BMP8A: variants seen among roughly 807,000 people sequenced by gnomAD.
The protein encoded by BMP8A is bone morphogenetic protein 8a.
A neutral mutation model predicts 36.8 loss-of-function variants in BMP8A; 14 were observed. The ratio of observed to expected loss-of-function variants is 0.38; its 90% CI spans 0.25 to 0.60. The LOEUF (loss-of-function observed/expected upper bound fraction) is 0.60. Among genes scored for constraint, BMP8A ranks in the 20% least tolerant of loss-of-function variants. BMP8A has a pLI of 0.63. For synonymous variants in BMP8A, 120 were observed against 237.7 expected (o/e 0.50, Z 4.55); for missense variants, 267 against 551.1 (o/e 0.48, Z 5.16).
Position 39,491,791 on chromosome 1 carries a change from C to T in BMP8A, c.-201C>T. The T allele has an allele frequency of 3.7e-6, 1 of 268,980 alleles. No homozygotes were observed. The highest frequency in any genetic ancestry group is 2.3e-5 in the African/African-American group (1 of 43,656). The allele number at this position is 268,980 out of a possible 1,614,324, so 16.7% of individuals were successfully genotyped here. ...GCCTCGAAGCGTTGGCGTCTGCGTC[C>T]GCGTCAGCGTCCGCTTGTCCCGGAG... On this transcript the variant is annotated 5_prime_UTR_variant, in exon 1 of 7. Coordinates refer to ENST00000331593, the MANE Select transcript of BMP8A (RefSeq NM_181809.4).
In BMP8A at chr1:39,523,192, G is replaced by A. The variant is rs376896121; in HGVS notation, c.1059+75G>A. 172 of 1,536,154 alleles carry A rather than the reference G, an allele frequency of 1.1e-4. 5 individuals are homozygous for A. The South Asian group carries it at 1.6e-3, about 14-fold the overall frequency. The stretch of plus-strand genomic sequence containing the variant: ...AGAGAGGGGTCTGGTCCAGCCAGCC[G>A]GGAGGGCAGTGAGGCCACCTGCTCC... On this transcript the variant is annotated intron_variant, in intron 6 of 6. Coordinates refer to ENST00000331593, the MANE Select transcript of BMP8A (RefSeq NM_181809.4).
intron 1 of BMP8A, among the ~76,000 whole-genome samples, chr1:39,499,391 TG>T (rs1645234294): frequency 6.6e-6 from 1 of 152,180 alleles, no homozygotes. Context: ...TGAGGGGAGA[TG>T]GGACAGGTCA....
rs1557698361 is a variant in BMP8A at position 39,528,277 on chromosome 1, A to G, written c.*2479A>G. ...ACCCACCAAATGACATCACATACAG[A>G]AGGCCTCAGAAAGGGAGGAGGTCGT... On this transcript the variant is annotated 3_prime_UTR_variant, in exon 7 of 7. Transcript: ENST00000331593. Among the ~76,000 whole-genome samples, 1 of 152,182 alleles carries G rather than the reference A, an allele frequency of 6.6e-6. No individual in the cohort carries two copies. The highest frequency in any genetic ancestry group is 1.9e-4 in the East Asian group (1 of 5,194).
rs915087355 is a variant in BMP8A at position 39,515,637 on chromosome 1, C to T, written c.673+3733C>T. ...AAACGTGGTCTTCAGGAGAAGCGCC[C>T]GCAATTTCAACGTGCCCATGTGCAA... On this transcript the variant is annotated intron_variant, in intron 3 of 6. Coordinates refer to ENST00000331593, the MANE Select transcript of BMP8A (RefSeq NM_181809.4). 81 of 1,569,360 alleles carry T rather than the reference C, an allele frequency of 5.2e-5. 9 individuals carry two copies. The highest frequency in any genetic ancestry group is 7.1e-5 in the Non-Finnish European group (81 of 1,147,264).
At chr1:39,500,674 A>G (rs1232631017) in intron 1 of BMP8A, among the ~76,000 whole-genome samples, 4 of 151,440 alleles carry the variant, frequency 2.6e-5, no homozygotes, top group Admixed American at 2.0e-4. Flanking sequence ...TATTTTTGAG[A>G]CGGAGTCTTG....
At chr1:39,512,886 C>CA (rs1217551135) in intron 3 of BMP8A, among the ~76,000 whole-genome samples, 35 of 144,746 alleles carry the variant, frequency 2.4e-4, no homozygotes, top group Non-Finnish European at 5.0e-4. Flanking sequence ...CCAAGCTCAT[C>CA]AAAAAAAAGG....
intron 1 of BMP8A, among the ~76,000 whole-genome samples, chr1:39,506,039 G>C (rs971758602): frequency 6.6e-6 from 1 of 150,862 alleles, no homozygotes; most frequent in African/African-American, 2.4e-5. Context: ...AAAGACTGAG[G>C]AACAGTCAGA....
At chr1:39,493,666 C>T (rs1208621876) in intron 1 of BMP8A, among the ~76,000 whole-genome samples, 1 of 152,218 alleles carries the variant, frequency 6.6e-6, no homozygotes, top group South Asian at 2.1e-4. Flanking sequence ...CATTCACCAT[C>T]GCTGAGCGCC....
At position 39,505,985 on chromosome 1, in the gene BMP8A, C is replaced by CAAAAAAAAAA. The variant is rs369981354; in HGVS notation, c.335-5189_335-5188insAAAAAAAAAA. 4.8e-4 allele frequency among the ~76,000 whole-genome samples: 45 copies of CAAAAAAAAAA among 93,906 alleles called. 22 individuals are homozygous for CAAAAAAAAAA. Among genetic ancestry groups the CAAAAAAAAAA allele is most frequent in the Non-Finnish European group, 3.8e-4 (19 of 49,776 alleles). The allele number at this position is 93,906 out of a possible 152,430, so 61.6% of individuals were successfully genotyped here. On this transcript the variant is annotated intron_variant, in intron 1 of 6. Coordinates refer to ENST00000331593, the MANE Select transcript of BMP8A (RefSeq NM_181809.4). ...TGGGTGACAGAGCAAGACCCTGTCT[C>CAAAAAAAAAA]CAAAAAAAAAAAAAAAAAAAAGTGT...
rs1645352660 is a variant in BMP8A at position 39,511,312 on chromosome 1, A to G, written c.473A>G (p.Asn158Ser). 2 of 1,141,816 alleles carry G rather than the reference A, an allele frequency of 1.8e-6. No individual in the cohort carries two copies. Among genetic ancestry groups the G allele is most frequent in the Non-Finnish European group, 2.5e-6 (2 of 800,702 alleles). The allele number at this position is 1,141,816 out of a possible 1,614,324, so 70.7% of individuals were successfully genotyped here. A position where few individuals can be genotyped will look rare whatever the true frequency, so the allele number is the denominator to read the frequency against. Reference sequence around the variant, plus strand: ...AAGGTGCCCAGCATCCACCTGCTCAACAGGACCCTCCACGTCAGCATGTTC... The same window carrying G: ...AAGGTGCCCAGCATCCACCTGCTCAGCAGGACCCTCCACGTCAGCATGTTC... ...IYKVPSIHLL[N>S]RTLHVSMFQV... The change falls in exon 2 of 7, where the codon AAC (asparagine) becomes AGC (serine). Residue 158 changes from asparagine to serine, a missense_variant. By Grantham distance (46) the Asn-to-Ser change is conservative. Coordinates refer to ENST00000331593, the MANE Select transcript of BMP8A (RefSeq NM_181809.4).
Position 39,525,943 on chromosome 1 carries a change from T to C in BMP8A, c.*145T>C. On this transcript the variant is annotated 3_prime_UTR_variant, in exon 7 of 7. Coordinates refer to ENST00000331593, the MANE Select transcript of BMP8A (RefSeq NM_181809.4). ...TGCCTACTTCCTGTCAGGCTTCTGG[T>C]CCTTTCTCGGTACCTCTGTGCCCCT... 1.4e-6 allele frequency: 2 copies of C among 1,387,126 alleles called. No individual in the cohort carries two copies. Among genetic ancestry groups the C allele is most frequent in the South Asian group, 1.3e-5 (1 of 74,130 alleles). The allele number at this position is 1,387,126 out of a possible 1,614,324, so 85.9% of individuals were successfully genotyped here.
chr1:39,527,710 T>C lies in BMP8A; in HGVS notation c.*1912T>C, dbSNP rs541981022. ...ACTAGTCTAAGGCTTCAAGCTCAGC[T>C]AGCAGAGATTGGAAGAGGCAATGGC... is the stretch of plus-strand genomic sequence containing the variant. On this transcript the variant is annotated 3_prime_UTR_variant, in exon 7 of 7. Transcript: ENST00000331593. 7.7e-4 allele frequency among the ~76,000 whole-genome samples: 118 copies of C among 152,378 alleles called. No individual in the cohort carries two copies. The highest frequency in any genetic ancestry group is 4.1e-3 in the Admixed American group (63 of 15,310).
rs79702908 is a variant in BMP8A at position 39,507,555 on chromosome 1, G to A, written c.335-3619G>A. 9.0e-3 allele frequency among the ~76,000 whole-genome samples: 1,371 copies of A among 152,302 alleles called. 10 individuals carry two copies. Among genetic ancestry groups the A allele is most frequent in the Middle Eastern group, 0.014 (4 of 294 alleles). The stretch of plus-strand genomic sequence containing the variant: ...CGAGGAGTCAGGGTTCCGTTTCCAC[G>A]TGTGGGAACATGGGAGGAGATTGTA... On this transcript the variant is annotated intron_variant, in intron 1 of 6. Coordinates refer to ENST00000331593, the MANE Select transcript of BMP8A (RefSeq NM_181809.4).
At chr1:39,498,666 A>C (rs1198392849) in intron 1 of BMP8A, among the ~76,000 whole-genome samples, 1 of 152,082 alleles carries the variant, frequency 6.6e-6, no homozygotes, top group Non-Finnish European at 1.5e-5. Context: ...ACAGGTCATG[A>C]GTCCCGCCCT....
In BMP8A at chr1:39,525,799, G is replaced by C; in HGVS notation, c.*1G>C. 6.2e-7 allele frequency: 1 copy of C among 1,614,016 alleles called. No individual in the cohort carries two copies. Among genetic ancestry groups the C allele is most frequent in the East Asian group, 2.2e-5 (1 of 44,888 alleles). On this transcript the variant is annotated 3_prime_UTR_variant, in exon 7 of 7. Coordinates refer to ENST00000331593, the MANE Select transcript of BMP8A (RefSeq NM_181809.4). ...GGTCAAGGCCTGCGGCTGCCACTGA[G>C]TCAGCCCGCCCAGCCCTACTGCAGC... is the stretch of plus-strand genomic sequence containing the variant.
At chr1:39,497,037 G>A (rs1051157109) in intron 1 of BMP8A, among the ~76,000 whole-genome samples, 1 of 152,128 alleles carries the variant, frequency 6.6e-6, no homozygotes, top group Non-Finnish European at 1.5e-5. Context: ...GAATCTTACA[G>A]TGCATACTCT....
intron 3 of BMP8A, among the ~76,000 whole-genome samples, chr1:39,513,541 TG>T (rs1645374172): frequency 6.8e-6 from 1 of 146,358 alleles, no homozygotes; most frequent in Non-Finnish European, 1.5e-5. Context: ...GGAGGAAGCC[TG>T]AATGATGTGT....
intron 1 of BMP8A, among the ~76,000 whole-genome samples, chr1:39,492,825 C>T (rs1570266896): frequency 1.3e-5 from 2 of 152,270 alleles, no homozygotes; most frequent in East Asian, 3.9e-4. Context: ...TGGGGTGCGG[C>T]TGTCAGGGGA....
intron 6 of BMP8A, chr1:39,523,838 TTA>T (rs1272114034): frequency 6.3e-6 from 4 of 638,970 alleles, no homozygotes; most frequent in African/African-American, 3.9e-5. Flanking sequence ...TTGCACAGCC[TTA>T]TGTTTTCCTC....
Sources: gnomAD v4.1 joint callset for allele counts (sites outside exome capture counted in the v4.1 genomes callset) on GRCh38, gnomAD v4.1.1 for gene constraint, MANE v1.5 for transcripts, NCBI Gene and HGNC (gene_info 2026-07-23, HGNC 2026-07-21) for gene names.